The following DAB1 variants were observed in gnomAD, a reference collection of about 807,000 sequenced individuals.
The protein encoded by DAB1 is DAB adaptor protein 1, also known as disabled homolog 1.
Under a neutral mutation model 64.6 loss-of-function variants are expected in DAB1, and 15 were observed. The observed-to-expected ratio is 0.23, with a 90% CI of 0.16 to 0.36. The LOEUF (loss-of-function observed/expected upper bound fraction) is 0.36, where lower values mean the gene tolerates loss of function less well. Among genes scored for constraint, DAB1 ranks in the 10% least tolerant of loss-of-function variants. The probability of loss-of-function intolerance (pLI) is 1.00; values close to 1 mark genes in which losing one functional copy is unlikely to be tolerated. For missense variants in DAB1, 596 were observed against 706.7 expected, an observed-to-expected ratio of 0.84 and a Z score of 1.78; for synonymous variants, 235 against 251.9, an observed-to-expected ratio of 0.93 and a Z score of 0.64.
chr1:57,198,251 G>T (rs904634874), intron 2 of DAB1, among the ~76,000 whole-genome samples: 12 of 151,506 alleles, frequency 7.9e-5, no homozygotes, highest in Non-Finnish European at 1.0e-4. Flanking sequence ...TGTACATTTA[G>T]AAATCACCCA....
intron 1 of DAB1, among the ~76,000 whole-genome samples, chr1:57,401,969 C>T (rs1683276805): frequency 1.3e-5 from 2 of 152,118 alleles, no homozygotes; most frequent in African/African-American, 4.8e-5. Context: ...AAAAAGTAAG[C>T]TGTGTTCATG....
chr1:57,201,895 C>CATGT (rs1665133008), intron 2 of DAB1, among the ~76,000 whole-genome samples: 1 of 151,558 alleles, frequency 6.6e-6, no homozygotes, highest in Non-Finnish European at 1.5e-5. Context: ...TGCATGCATG[C>CATGT]ATGTATGCAT....
intron 4 of DAB1, among the ~76,000 whole-genome samples, chr1:58,313,783 T>C (rs1456232391): frequency 1.3e-5 from 2 of 151,612 alleles, no homozygotes; most frequent in African/African-American, 2.4e-5. Context: ...GGCCCTCTTC[T>C]TGGTTTACAG....
At chr1:57,166,928 C>T (rs1348906820) in intron 2 of DAB1, among the ~76,000 whole-genome samples, 1 of 152,202 alleles carries the variant, frequency 6.6e-6, no homozygotes, top group Admixed American at 6.5e-5. Flanking sequence ...AGTTCATAGT[C>T]TCTCCACCAT....
chr1:57,258,725 C>T (rs1330488427), intron 2 of DAB1, among the ~76,000 whole-genome samples: 1 of 152,128 alleles, frequency 6.6e-6, no homozygotes, highest in Non-Finnish European at 1.5e-5. Flanking sequence ...AGGATTTGCT[C>T]GCTCTCCACT....
At chr1:58,151,155 G>C (rs1383984028) in intron 4 of DAB1, among the ~76,000 whole-genome samples, 1 of 152,170 alleles carries the variant, frequency 6.6e-6, no homozygotes, top group Non-Finnish European at 1.5e-5. Flanking sequence ...ATAAACATAT[G>C]TGTGCATGTG....
At chr1:57,194,776 A>G (rs891039912) in intron 2 of DAB1, among the ~76,000 whole-genome samples, 2 of 152,150 alleles carry the variant, frequency 1.3e-5, no homozygotes, top group African/African-American at 2.4e-5. Context: ...GGAGAAGCAC[A>G]TTTCCAGCCA....
At chr1:58,283,695 T>A (rs999472167) in intron 4 of DAB1, among the ~76,000 whole-genome samples, 3 of 152,176 alleles carry the variant, frequency 2.0e-5, no homozygotes, top group Non-Finnish European at 4.4e-5. Flanking sequence ...GAGGATTAAA[T>A]GAGATAATTC....
intron 5 of DAB1, among the ~76,000 whole-genome samples, chr1:57,922,412 A>G (rs920961133): frequency 6.6e-6 from 1 of 152,080 alleles, no homozygotes; most frequent in East Asian, 1.9e-4. Flanking sequence ...GAAGGAAGGG[A>G]GGAAGTTTAG....
At chr1:57,304,181 C>T (rs560383892) in intron 1 of DAB1, among the ~76,000 whole-genome samples, 9 of 152,240 alleles carry the variant, frequency 5.9e-5, no homozygotes, top group East Asian at 1.9e-4. Flanking sequence ...AGGCACTTCA[C>T]GTGGTGAAAA....
rs1667766880 is a variant in DAB1 at position 57,232,571 on chromosome 1, T to TTA, written c.67+58391_67+58392dup. On this transcript the variant is annotated intron_variant, in intron 2 of 14. Coordinates refer to ENST00000371236, the MANE Select transcript of DAB1 (RefSeq NM_001365792.1). ...AGACTAAATGTATCTTAGAGATTAT[T>TTA]TAAATGCACTCTTCCCAGTTTTAGG... Among the ~76,000 whole-genome samples the TTA allele has an allele frequency of 2.6e-5, 4 of 152,110 alleles. No individual in the cohort carries two copies. In the South Asian group the frequency reaches 8.3e-4, roughly 32 times the overall value.
rs923178285 is a variant in DAB1, at chr1:57,761,206, G to A, written n.552-111541C>T. Among the ~76,000 whole-genome samples the A allele has an allele frequency of 1.7e-4, 26 of 152,218 alleles. 1 individual carries two copies. The Middle Eastern group carries it at 0.01, about 60-fold the overall frequency. On this transcript the variant is annotated intron_variant and non_coding_transcript_variant, in intron 6 of 20. Transcript: ENST00000485760. Reference sequence around the variant, plus strand: ...GCACATTGAGGAAAAAGTCTGAGTTGGTGCCTTTAACAAGTGTCTATCCCT... The same window carrying A: ...GCACATTGAGGAAAAAGTCTGAGTTAGTGCCTTTAACAAGTGTCTATCCCT...
chr1:57,317,578 G>T (rs1199205196), intron 1 of DAB1, among the ~76,000 whole-genome samples: 1 of 152,040 alleles, frequency 6.6e-6, no homozygotes, highest in African/African-American at 2.4e-5. Flanking sequence ...ACCTTATGCT[G>T]TACCATCTTT....
At chr1:57,265,720 A>G (rs1051790774) in intron 2 of DAB1, among the ~76,000 whole-genome samples, 1 of 152,210 alleles carries the variant, frequency 6.6e-6, no homozygotes, top group South Asian at 2.1e-4. Context: ...TGGACGGCCA[A>G]TATAAATAGA....
intron 4 of DAB1, among the ~76,000 whole-genome samples, chr1:57,128,876 C>T (rs1657386028): frequency 6.6e-6 from 1 of 152,112 alleles, no homozygotes; most frequent in South Asian, 2.1e-4. Context: ...GGGAGAGATG[C>T]CACCGCCTGG....
intron 7 of DAB1, among the ~76,000 whole-genome samples, chr1:57,527,450 G>A (rs977449263): frequency 1.3e-5 from 2 of 152,162 alleles, no homozygotes; most frequent in Non-Finnish European, 2.9e-5. Context: ...GGAGGCAACA[G>A]CAACTGAAGT....
intron 4 of DAB1, among the ~76,000 whole-genome samples, chr1:58,181,127 T>C (rs952854581): frequency 2.6e-5 from 4 of 152,154 alleles, no homozygotes; most frequent in African/African-American, 9.6e-5. Context: ...TCTTTCTGTT[T>C]TTAGTTCACT....
intron 1 of DAB1, among the ~76,000 whole-genome samples, chr1:57,404,620 A>C (rs1209353983): frequency 6.6e-6 from 1 of 152,232 alleles, no homozygotes; most frequent in African/African-American, 2.4e-5. Flanking sequence ...CAAATTCAAA[A>C]AACAAGGAAG....
At chr1:57,140,745 T>C (rs1015472951) in intron 3 of DAB1, among the ~76,000 whole-genome samples, 2 of 152,172 alleles carry the variant, frequency 1.3e-5, no homozygotes, top group Admixed American at 6.5e-5. Context: ...AGACCTAATA[T>C]TGATATGATT....
Sources: allele counts gnomAD v4.1 joint callset (sites outside exome capture counted in the v4.1 genomes callset), GRCh38; gene constraint gnomAD v4.1.1; transcripts MANE v1.5; gene names NCBI Gene and HGNC (gene_info 2026-07-23, HGNC 2026-07-21).